PHACTR1: variants seen among roughly 807,000 people sequenced by gnomAD.
PHACTR1 encodes RPEL repeat containing 1.
In PHACTR1, 16 loss-of-function variants were observed where a neutral mutation model predicts 69.2. That is an observed-to-expected ratio of 0.23 (90% CI 0.16 to 0.35). PHACTR1 has a LOEUF of 0.35. Among genes scored for constraint, PHACTR1 ranks in the 10% least tolerant of loss-of-function variants. The pLI is 1.00. For missense variants in PHACTR1, 510 were observed against 734.7 expected (o/e 0.69, Z 3.54); for synonymous variants, 312 against 284.5 (o/e 1.10, Z -0.97).
intron 4 of PHACTR1, among the ~76,000 whole-genome samples, chr6:12,787,065 A>G (rs914995805): frequency 6.6e-6 from 1 of 152,262 alleles, no homozygotes. Flanking sequence ...CCATTTTCCA[A>G]CTGACTGAAA....
At chr6:13,044,335 T>G (rs1164907885) in intron 4 of PHACTR1, among the ~76,000 whole-genome samples, 1 of 152,204 alleles carries the variant, frequency 6.6e-6, no homozygotes, top group African/African-American at 2.4e-5. Flanking sequence ...CAAGGCTAAA[T>G]GAAGATGTTT....
chr6:13,188,945 T>C (rs773622190), intron 7 of PHACTR1, among the ~76,000 whole-genome samples: 12 of 152,204 alleles, frequency 7.9e-5, no homozygotes, highest in Admixed American at 3.3e-4. Context: ...GAGTGATGGG[T>C]GACCCCAAAA....
intron 4 of PHACTR1, among the ~76,000 whole-genome samples, chr6:12,928,934 T>C (rs2061183523): frequency 6.6e-6 from 1 of 152,194 alleles, no homozygotes; most frequent in Non-Finnish European, 1.5e-5. Context: ...AAAAGCTCCT[T>C]AAATCAGAAT....
At chr6:13,225,855 T>C (rs1487685466) in intron 8 of PHACTR1, among the ~76,000 whole-genome samples, 1 of 152,232 alleles carries the variant, frequency 6.6e-6, no homozygotes, top group Non-Finnish European at 1.5e-5. Flanking sequence ...TTTGGCCTCT[T>C]CCATCCTTAC....
chr6:13,124,403 C>A (rs1173818105), intron 5 of PHACTR1, among the ~76,000 whole-genome samples: 2 of 152,154 alleles, frequency 1.3e-5, no homozygotes, highest in African/African-American at 4.8e-5. Context: ...ACAAAATCAT[C>A]CGAGAGCATT....
At chr6:12,908,497 T>C (rs1379791351) in intron 4 of PHACTR1, among the ~76,000 whole-genome samples, 1 of 151,794 alleles carries the variant, frequency 6.6e-6, no homozygotes, top group Non-Finnish European at 1.5e-5. Context: ...TAAGTGCAGT[T>C]GCAGAGATTT....
intron 8 of PHACTR1, among the ~76,000 whole-genome samples, chr6:13,210,814 A>G (rs1269956284): frequency 6.6e-6 from 1 of 151,802 alleles, no homozygotes; most frequent in Admixed American, 6.6e-5. Context: ...TGGTTTGGGT[A>G]AGTCTGTTTG....
At chr6:12,874,476 C>G (rs147981596) in intron 4 of PHACTR1, among the ~76,000 whole-genome samples, 4 of 152,298 alleles carry the variant, frequency 2.6e-5, no homozygotes, top group Admixed American at 2.6e-4. Context: ...TATCTTTCTT[C>G]TTCCTCAAAA....
At chr6:13,015,186 T>C (rs1249016865) in intron 4 of PHACTR1, among the ~76,000 whole-genome samples, 1 of 152,198 alleles carries the variant, frequency 6.6e-6, no homozygotes, top group Non-Finnish European at 1.5e-5. Flanking sequence ...TTAGTCGGCC[T>C]CTGAAGTGCA....
At chr6:12,847,572 G>C (rs1453733446) in intron 4 of PHACTR1, among the ~76,000 whole-genome samples, 2 of 151,814 alleles carry the variant, frequency 1.3e-5, no homozygotes, top group African/African-American at 2.4e-5. Context: ...GTAGTGGCTA[G>C]AAACTGTTAG....
intron 7 of PHACTR1, among the ~76,000 whole-genome samples, chr6:13,186,672 A>C (rs1156558093): frequency 1.3e-5 from 2 of 152,224 alleles, no homozygotes; most frequent in Non-Finnish European, 2.9e-5. Flanking sequence ...TACTGTACTA[A>C]GTATCAAAGT....
chr6:13,235,648 A>G (rs1488581657), intron 10 of PHACTR1, among the ~76,000 whole-genome samples: 2 of 152,196 alleles, frequency 1.3e-5, no homozygotes, highest in Non-Finnish European at 1.5e-5. Context: ...ATGCCTAACA[A>G]GTTGTGCTTT....
chr6:13,108,596 G>A lies in PHACTR1; in HGVS notation c.416-51608G>A, dbSNP rs1248412316. On this transcript the variant is annotated intron_variant, in intron 5 of 14. Coordinates refer to ENST00000332995, the MANE Select transcript of PHACTR1 (RefSeq NM_030948.6). ...TTTAAAAATTGACTCACATTATTAT[G>A]TAATGATATTATTTATATCTGGCAC... 2.6e-5 allele frequency among the ~76,000 whole-genome samples: 4 copies of A among 151,948 alleles called. 1 individual carries two copies. The highest frequency in any genetic ancestry group is 4.4e-5 in the Non-Finnish European group (3 of 67,896).
At chr6:13,176,445 G>A (rs1399828582) in intron 6 of PHACTR1, among the ~76,000 whole-genome samples, 2 of 152,084 alleles carry the variant, frequency 1.3e-5, no homozygotes, top group African/African-American at 4.8e-5. Flanking sequence ...TTTTACAAGT[G>A]GCACCTGGGA....
chr6:12,892,922 C>T (rs1352240059), intron 4 of PHACTR1, among the ~76,000 whole-genome samples: 1 of 152,130 alleles, frequency 6.6e-6, no homozygotes, highest in Non-Finnish European at 1.5e-5. Context: ...CTCTGAGGAA[C>T]ACCTTTACTT....
chr6:12,950,641 T>C (rs1045242819), intron 4 of PHACTR1, among the ~76,000 whole-genome samples: 1 of 152,222 alleles, frequency 6.6e-6, no homozygotes, highest in Non-Finnish European at 1.5e-5. Context: ...AGGGGCATTG[T>C]TGTCCTTCTC....
chr6:12,896,422 G>A (rs977890808), intron 4 of PHACTR1, among the ~76,000 whole-genome samples: 17 of 152,250 alleles, frequency 1.1e-4, no homozygotes, highest in Admixed American at 8.5e-4. Context: ...GACAATTCCC[G>A]TCACCTGCTT....
chr6:12,878,267 A>T (rs1277493788), intron 4 of PHACTR1, among the ~76,000 whole-genome samples: 2 of 152,246 alleles, frequency 1.3e-5, no homozygotes, highest in African/African-American at 4.8e-5. Flanking sequence ...GATGGTCCCC[A>T]CAAAATCATA....
At chr6:13,239,459 T>C (rs1316912556) in intron 10 of PHACTR1, among the ~76,000 whole-genome samples, 1 of 152,134 alleles carries the variant, frequency 6.6e-6, no homozygotes, top group African/African-American at 2.4e-5. Flanking sequence ...GAGCTCAGGC[T>C]ATAGCACTAC....
Sources: gnomAD v4.1 joint callset for allele counts (sites outside exome capture counted in the v4.1 genomes callset) on GRCh38, gnomAD v4.1.1 for gene constraint, MANE v1.5 for transcripts, NCBI Gene and HGNC (gene_info 2026-07-23, HGNC 2026-07-21) for gene names.